Variants in DLG2 observed in about 807,000 individuals in gnomAD.
DLG2 encodes the protein discs large MAGUK scaffold protein 2.
DLG2 carries 45 observed loss-of-function variants against 132.5 expected under a neutral mutation model. The ratio of observed to expected loss-of-function variants is 0.34; its 90% CI spans 0.27 to 0.44. The LOEUF (loss-of-function observed/expected upper bound fraction) is 0.44. DLG2 is among the 20% of genes least tolerant of loss of function. The pLI is 1.00. For synonymous variants in DLG2, 424 were observed against 419.6 expected, an observed-to-expected ratio of 1.01 and a Z score of -0.13; for missense variants, 1,045 against 1,196.9, an observed-to-expected ratio of 0.87 and a Z score of 1.87.
chr11:84,030,449 A>G (rs1188048011), intron 11 of DLG2, among the ~76,000 whole-genome samples: 2 of 152,174 alleles, frequency 1.3e-5, no homozygotes, highest in East Asian at 3.9e-4. Flanking sequence ...TTGTTTTGTC[A>G]GTCTTAGCTG....
At position 84,710,895 on chromosome 11, in the gene DLG2, TTCTA is replaced by T. The variant is rs1020490813; in HGVS notation, c.358-176168_358-176165del. On this transcript the variant is annotated intron_variant, in intron 6 of 27. Coordinates refer to ENST00000376104, the MANE Select transcript of DLG2 (RefSeq NM_001142699.3). ...GCCATCATTCAGGATGCTATTGTTA[TTCTA>T]TCTGACACCATCATTTAAATTTATA... Among the ~76,000 whole-genome samples, 27 of 151,302 alleles carry T rather than the reference TTCTA, an allele frequency of 1.8e-4. No individual in the cohort carries two copies. The South Asian group carries it at 1.9e-3, about 11-fold the overall frequency.
At chr11:84,471,704 T>C (rs1303579362) in intron 7 of DLG2, among the ~76,000 whole-genome samples, 1 of 151,740 alleles carries the variant, frequency 6.6e-6, no homozygotes, top group Non-Finnish European at 1.5e-5. Flanking sequence ...GATGACTTTG[T>C]TTTGGAAATT....
chr11:84,532,117 ATT>A (rs67139617), intron 7 of DLG2, among the ~76,000 whole-genome samples: 4,966 of 104,504 alleles, frequency 0.048, 94 homozygotes, highest in Middle Eastern at 0.089. Flanking sequence ...TGTTCTGTTC[ATT>A]TTTTTTTTTT....
chr11:83,891,353 T>C (rs2069806210), intron 15 of DLG2, among the ~76,000 whole-genome samples: 1 of 152,128 alleles, frequency 6.6e-6, no homozygotes, highest in Admixed American at 6.6e-5. Context: ...AGGAGATAGT[T>C]TTAGTGGGAA....
At chr11:84,820,867 C>T (rs1437957160) in intron 6 of DLG2, among the ~76,000 whole-genome samples, 1 of 151,788 alleles carries the variant, frequency 6.6e-6, no homozygotes, top group Non-Finnish European at 1.5e-5. Context: ...TGAGTCTCTT[C>T]TTCCATAGTC....
At chr11:85,346,633 A>T (rs1278392435) in intron 3 of DLG2, among the ~76,000 whole-genome samples, 1 of 152,180 alleles carries the variant, frequency 6.6e-6, no homozygotes, top group Non-Finnish European at 1.5e-5. Context: ...TTGTTCCCTT[A>T]ACCGTAAACA....
intron 7 of DLG2, among the ~76,000 whole-genome samples, chr11:84,408,883 A>C (rs768124402): frequency 1.3e-5 from 2 of 152,160 alleles, no homozygotes; most frequent in African/African-American, 2.4e-5. Context: ...GTAGATGTCT[A>C]CAGCAAGGCC....
At chr11:83,468,179 C>T (rs931687633) in intron 25 of DLG2, among the ~76,000 whole-genome samples, 1 of 152,098 alleles carries the variant, frequency 6.6e-6, no homozygotes, top group African/African-American at 2.4e-5. Flanking sequence ...GGGCTAAAAT[C>T]TCATCTATAA....
intron 3 of DLG2, among the ~76,000 whole-genome samples, chr11:85,590,810 T>C (rs1327419005): frequency 1.3e-5 from 2 of 152,190 alleles, no homozygotes; most frequent in Non-Finnish European, 2.9e-5. Context: ...ACAGTGATCA[T>C]CACCAAATTT....
chr11:84,256,171 A>C (rs1180864500), intron 7 of DLG2, among the ~76,000 whole-genome samples: 2 of 152,120 alleles, frequency 1.3e-5, no homozygotes, highest in South Asian at 2.1e-4. Flanking sequence ...AATAAAAAAT[A>C]ATCTGACAAA....
chr11:84,614,132 A>G (rs2099600098), intron 6 of DLG2, among the ~76,000 whole-genome samples: 1 of 152,186 alleles, frequency 6.6e-6, no homozygotes, highest in South Asian at 2.1e-4. Flanking sequence ...TTTTGATTGC[A>G]TAGTATGTGC....
intron 9 of DLG2, among the ~76,000 whole-genome samples, chr11:84,155,285 C>G (rs1248564162): frequency 6.6e-6 from 1 of 152,180 alleles, no homozygotes; most frequent in Non-Finnish European, 1.5e-5. Context: ...GGAACTGGCC[C>G]TGGAGCTTGT....
At chr11:85,334,460 TCTC>T (rs534745819) in intron 3 of DLG2, among the ~76,000 whole-genome samples, 50 of 152,270 alleles carry the variant, frequency 3.3e-4, no homozygotes, top group African/African-American at 1.2e-3. Flanking sequence ...TTATTTCTCT[TCTC>T]CTTCTAGCTT....
intron 2 of DLG2, among the ~76,000 whole-genome samples, chr11:85,618,499 G>A (rs769830681): frequency 8.5e-5 from 13 of 152,132 alleles, no homozygotes; most frequent in African/African-American, 1.2e-4. Context: ...TTTATCCCAG[G>A]CAAATTAACA....
intron 11 of DLG2, among the ~76,000 whole-genome samples, chr11:84,049,593 T>A (rs1187538308): frequency 6.6e-6 from 1 of 151,826 alleles, no homozygotes; most frequent in Non-Finnish European, 1.5e-5. Context: ...GGTCACAGAC[T>A]GGAGCTTGTA....
At position 84,404,372 on chromosome 11, in the gene DLG2, C is replaced by A. The variant is rs76091321; in HGVS notation, c.519+130198G>T. Among the ~76,000 whole-genome samples, 283 of 152,252 alleles carry A rather than the reference C, an allele frequency of 1.9e-3. 1 individual carries two copies. Among genetic ancestry groups the A allele is most frequent in the African/African-American group, 6.6e-3 (274 of 41,540 alleles). ...CAGCCTTCAAAACTCGACTCAAATA[C>A]TACCTCTTTGAGAAGGCTTTCCTCA... On this transcript the variant is annotated intron_variant, in intron 7 of 27. Transcript: ENST00000376104.
intron 3 of DLG2, among the ~76,000 whole-genome samples, chr11:85,315,800 C>T (rs2080625832): frequency 6.6e-6 from 1 of 151,968 alleles, no homozygotes; most frequent in South Asian, 2.1e-4. Flanking sequence ...CTTATTTCCT[C>T]CCAGGAGGCT....
chr11:84,502,212 T>C (rs1397949894), intron 7 of DLG2, among the ~76,000 whole-genome samples: 143 of 2,832 alleles, frequency 0.05, 3 homozygotes, highest in South Asian at 0.2. Flanking sequence ...CCTTCCTTCC[T>C]TCCTTCCTTC....
At chr11:85,624,999 G>A (rs925762834) in intron 2 of DLG2, 9 of 152,080 alleles carry the variant, frequency 5.9e-5, no homozygotes, top group South Asian at 2.1e-4. Flanking sequence ...TAAGAAACTC[G>A]GTTTATGGGG....
Sources: allele counts gnomAD v4.1 joint callset (sites outside exome capture counted in the v4.1 genomes callset), GRCh38; gene constraint gnomAD v4.1.1; transcripts MANE v1.5; gene names NCBI Gene and HGNC (gene_info 2026-07-23, HGNC 2026-07-21).